Variants in CACNA1A observed in about 807,000 individuals in gnomAD.
CACNA1A encodes voltage-dependent P/Q-type calcium channel subunit alpha-1A.
CACNA1A carries 57 observed loss-of-function variants against 262.4 expected under a neutral mutation model. The ratio of observed to expected loss-of-function variants is 0.22; its 90% CI spans 0.18 to 0.27. The LOEUF is 0.27. Among genes scored for constraint, CACNA1A ranks in the 10% least tolerant of loss-of-function variants. The pLI, the probability that CACNA1A is intolerant of heterozygous loss-of-function variation, is 1.00. For synonymous variants in CACNA1A, 1,431 were observed against 1,419.3 expected (o/e 1.01, Z -0.18); for missense variants, 2,526 against 3,562.8 (o/e 0.71, Z 7.41).
Position 13,212,010 on chromosome 19 carries a change from G to A in CACNA1A, c.6303+93C>T, listed in dbSNP as rs1171319086. ...CCCTACCCAGGCCTGAGTCCGGCAG[G>A]GAGGGGATGCACTGGGCTGCTTGTG... On this transcript the variant is annotated intron_variant, in intron 43 of 46. Transcript: ENST00000360228. The surrounding 1 kb of genome is among the most constrained non-coding windows in gnomAD (Gnocchi z 5.6). 6 of 744,300 alleles carry A rather than the reference G, an allele frequency of 8.1e-6. No homozygotes were observed. The highest frequency in any genetic ancestry group is 3.1e-5 in the Admixed American group (1 of 32,730). 46.1% of individuals were successfully genotyped at this position (744,300 alleles called of 1,614,324 possible).
At chr19:13,372,151 CTCTT>C (rs1175472671) in intron 3 of CACNA1A, among the ~76,000 whole-genome samples, 3 of 151,826 alleles carry the variant, frequency 2.0e-5, no homozygotes, top group African/African-American at 4.8e-5. Context: ...GGGTTTGTGG[CTCTT>C]TATTTTATTT....
At chr19:13,222,199 A>T (rs560639114) in intron 38 of CACNA1A, among the ~76,000 whole-genome samples, 1 of 151,764 alleles carries the variant, frequency 6.6e-6, no homozygotes, top group East Asian at 1.9e-4. Flanking sequence ...ACGCCACGAC[A>T]CCCGGCTAAT....
At chr19:13,327,430 C>T (rs2058382241) in intron 10 of CACNA1A, among the ~76,000 whole-genome samples, 1 of 150,876 alleles carries the variant, frequency 6.6e-6, no homozygotes, top group Non-Finnish European at 1.5e-5. Context: ...TGCAATGTCA[C>T]CTGCCTTGTT....
intron 1 of CACNA1A, among the ~76,000 whole-genome samples, chr19:13,467,759 C>A (rs976107504): frequency 1.3e-5 from 2 of 151,882 alleles, no homozygotes; most frequent in African/African-American, 4.8e-5. Context: ...CACCTGCCAC[C>A]ATGCCCAGCT....
Position 13,308,164 on chromosome 19 carries a change from G to A in CACNA1A, c.1869C>T (p.Phe623=), listed in dbSNP as rs540811498. 3.3e-5 allele frequency: 54 copies of A among 1,613,980 alleles called. 1 individual carries two copies. The South Asian group carries it at 4.8e-4, about 14-fold the overall frequency. Residue 623 remains phenylalanine (F), a synonymous_variant, in exon 14 of 47, where the codon TTC becomes TTT. Coordinates refer to ENST00000360228, the MANE Select transcript of CACNA1A (RefSeq NM_001127222.2). This position sits in a 1 kb window ranked among gnomAD's most constrained non-coding sequence, Gnocchi z 4.2. ...IISLLFLLFL[F]IVVFALLGMQ... ...TTCCCAAAAGGGCGAAGACGACAATGAACAGGAAAAGGAGAAACAACAGGC... is the reference window on the plus strand; with the variant it reads ...TTCCCAAAAGGGCGAAGACGACAATAAACAGGAAAAGGAGAAACAACAGGC...
chr19:13,309,055 C>T (rs2057963264), intron 12 of CACNA1A, among the ~76,000 whole-genome samples: 1 of 152,100 alleles, frequency 6.6e-6, no homozygotes, highest in Non-Finnish European at 1.5e-5. Flanking sequence ...ATCACCCAGG[C>T]TGGTGTGCAG....
rs1280455908 is a variant in CACNA1A at position 13,506,094 on chromosome 19, G to C, written c.131C>G (p.Ala44Gly). 6.2e-7 allele frequency: 1 copy of C among 1,613,050 alleles called. No individual in the cohort carries two copies. Among genetic ancestry groups the C allele is most frequent in the East Asian group, 2.2e-5 (1 of 44,766 alleles). ...CATTGACTGCTTGTACATCCTTTGCGCCCCGGGCTGCCCGCCCTGCCGGCT... is the reference window on the plus strand; with the variant it reads ...CATTGACTGCTTGTACATCCTTTGCCCCCCGGGCTGCCCGCCCTGCCGGCT... ...GGSRQGGQPG[A>G]QRMYKQSMAQ... The change falls in exon 1 of 47, where the codon GCG becomes GGG. Residue 44 changes from alanine (A) to glycine (G), a missense_variant. This residue lies in a region of CACNA1A where 65 missense variants were observed against 75.6 expected (regional missense o/e 0.86). Transcript: ENST00000360228.
At chr19:13,440,196 T>C (rs2060691324) in intron 3 of CACNA1A, among the ~76,000 whole-genome samples, 1 of 152,166 alleles carries the variant, frequency 6.6e-6, no homozygotes, top group South Asian at 2.1e-4. Context: ...TGGGCTTGGC[T>C]CAAGCTATCC....
intron 38 of CACNA1A, among the ~76,000 whole-genome samples, chr19:13,216,106 C>G (rs2055000263): frequency 1.3e-5 from 2 of 151,682 alleles, no homozygotes; most frequent in Non-Finnish European, 2.9e-5. Context: ...TTTCCCCTTT[C>G]CCAAGTCTCC....
rs1284526198 is a variant in CACNA1A at position 13,253,060 on chromosome 19, C to T, written c.4797G>A (p.Val1599=). ...AGAGGGAGGTGAAGACGATGTTGAA[C>T]ACCCGCAGGGCATTTTCATAAGCAA... ...ASVAYENALR[V]FNIVFTSLFS... Residue 1599 remains valine (V), a synonymous_variant, in exon 30 of 47, where the codon GTG becomes GTA. Coordinates refer to ENST00000360228, the MANE Select transcript of CACNA1A (RefSeq NM_001127222.2). The T allele has an allele frequency of 6.2e-7, 1 of 1,613,636 alleles. No homozygotes were observed. The highest frequency in any genetic ancestry group is 1.1e-5 in the South Asian group (1 of 91,082).
chr19:13,237,290 C>T (rs558788369), intron 31 of CACNA1A, among the ~76,000 whole-genome samples: 69 of 152,268 alleles, frequency 4.5e-4, no homozygotes, highest in Middle Eastern at 3.4e-3. Flanking sequence ...TCTCTCCACA[C>T]TAAGGGAAGG....
chr19:13,394,424 C>T (rs2059774857), intron 3 of CACNA1A, among the ~76,000 whole-genome samples: 1 of 152,186 alleles, frequency 6.6e-6, no homozygotes, highest in South Asian at 2.1e-4. Context: ...CTAACTTCAT[C>T]AAGAAACAGT....
intron 31 of CACNA1A, among the ~76,000 whole-genome samples, chr19:13,240,566 C>A (rs2056043245): frequency 6.8e-6 from 1 of 146,454 alleles, no homozygotes; most frequent in Non-Finnish European, 1.5e-5. Flanking sequence ...TGCATAGTGA[C>A]TGTGTGTCCA....
intron 3 of CACNA1A, among the ~76,000 whole-genome samples, chr19:13,396,530 CGTGT>C (rs2059814625): frequency 6.6e-6 from 1 of 152,178 alleles, no homozygotes; most frequent in African/African-American, 2.4e-5. Context: ...CCAAGAGCCA[CGTGT>C]GGCTAATGAG....
At position 13,283,388 on chromosome 19, in the gene CACNA1A, C is replaced by G. The variant is rs373183625; in HGVS notation, c.3701G>C (p.Arg1234Pro). Residue 1234 changes from arginine to proline, a missense_variant, in exon 22 of 47, where the codon CGC (arginine) becomes CCC (proline). Physicochemically the swap from Arg to Pro is moderately radical, Grantham distance 103. Around this residue, in one of 17 missense-constraint regions of CACNA1A, gnomAD observed 765 missense variants for 748.6 expected, o/e 1.02. Transcript: ENST00000360228. ...CAGGTTCAGGATGTAATGGCACAGG[C>G]GGCGAAGGCTGTTGGAGACAGATGG... ...FILSTTNPLR[R>P]LCHYILNLRY... The G allele has an allele frequency of 6.2e-7, 1 of 1,613,884 alleles. No individual in the cohort carries two copies. The highest frequency in any genetic ancestry group is 8.5e-7 in the Non-Finnish European group (1 of 1,179,816).
chr19:13,409,578 T>C (rs8107102), intron 3 of CACNA1A, among the ~76,000 whole-genome samples: 9,173 of 152,106 alleles, frequency 0.06, 920 homozygotes, highest in African/African-American at 0.21. Flanking sequence ...CAGGGTCTTA[T>C]TCTATCACCC....
intron 3 of CACNA1A, among the ~76,000 whole-genome samples, chr19:13,385,172 G>C (rs979702556): frequency 1.3e-5 from 2 of 151,742 alleles, no homozygotes; most frequent in African/African-American, 4.8e-5. Context: ...AGTTCCATTG[G>C]ACTTTGATGT....
chr19:13,224,574 G>T, intron 38 of CACNA1A, 93 bp downstream of exon 38: 1 of 792,086 alleles, frequency 1.3e-6, no homozygotes, highest in Non-Finnish European at 2.2e-6. Context: ...AGATCCGGGT[G>T]GTGACAGCAG....
At chr19:13,423,556 A>G (rs1003677228) in intron 3 of CACNA1A, among the ~76,000 whole-genome samples, 1 of 151,836 alleles carries the variant, frequency 6.6e-6, no homozygotes, top group African/African-American at 2.4e-5. Context: ...CTGTCACTCA[A>G]ATGGGAGTGC....
Sources: allele counts gnomAD v4.1 joint callset (sites outside exome capture counted in the v4.1 genomes callset), GRCh38; gene constraint gnomAD v4.1.1; regional missense constraint gnomAD v4.1.1; non-coding constraint Gnocchi (gnomAD v3.1); transcripts MANE v1.5; gene names NCBI Gene and HGNC (gene_info 2026-07-23, HGNC 2026-07-21).